The following AFG2A variants were observed in gnomAD, a reference collection of about 807,000 sequenced individuals.
AFG2A encodes AAA ATPase AFG2A, also known as ATPase family gene 2 protein homolog A.
the AFG2A span, among the ~76,000 whole-genome samples, chr4:123,220,948 A>T: frequency 6.8e-4 from 104 of 152,274 alleles, no homozygotes; most frequent in South Asian, 8.7e-3. Flanking sequence ...AGGACATTTT[A>T]AAAAACCTAC....
the AFG2A span, among the ~76,000 whole-genome samples, chr4:123,197,424 G>A: frequency 1.3e-5 from 2 of 152,280 alleles, no homozygotes; most frequent in South Asian, 4.1e-4. Context: ...CAAATTTCCT[G>A]TTAGGCTCAC....
the AFG2A span, among the ~76,000 whole-genome samples, chr4:123,026,099 ATGTGTATGTG>A: frequency 4.4e-5 from 3 of 67,830 alleles, no homozygotes; most frequent in Non-Finnish European, 9.1e-5. Flanking sequence ...GACCTCGTGT[ATGTGTATGTG>A]TGTGTGTGTG....
At chr4:123,115,447 C>A in the AFG2A span, among the ~76,000 whole-genome samples, 2 of 152,072 alleles carry the variant, frequency 1.3e-5, no homozygotes, top group African/African-American at 4.8e-5. Context: ...GCGGGCGCCA[C>A]TCCCGCTTTC....
At chr4:123,076,236 C>T in the AFG2A span, among the ~76,000 whole-genome samples, 1 of 152,036 alleles carries the variant, frequency 6.6e-6, no homozygotes, top group Non-Finnish European at 1.5e-5. Flanking sequence ...CCACTGCACT[C>T]CAGTCTGGGC....
At chr4:122,969,310 T>C in the AFG2A span, among the ~76,000 whole-genome samples, 1 of 152,216 alleles carries the variant, frequency 6.6e-6, no homozygotes, top group Non-Finnish European at 1.5e-5. Context: ...TTTTTTCATA[T>C]AGATGTGTTA....
At chr4:123,063,522 G>A in the AFG2A span, among the ~76,000 whole-genome samples, 24 of 152,196 alleles carry the variant, frequency 1.6e-4, no homozygotes, top group South Asian at 2.1e-4. Flanking sequence ...CGAAGTGGGC[G>A]GATCACGAGG....
chr4:122,940,519 A>T, the AFG2A span, among the ~76,000 whole-genome samples: 1 of 152,000 alleles, frequency 6.6e-6, no homozygotes, highest in Non-Finnish European at 1.5e-5. Context: ...TTCATTGTAG[A>T]TTCTGGATAT....
At chr4:123,032,474 C>A in the AFG2A span, among the ~76,000 whole-genome samples, 3 of 152,134 alleles carry the variant, frequency 2.0e-5, no homozygotes. Context: ...CTCACTGCAA[C>A]CTCTGCCTCC....
the AFG2A span, among the ~76,000 whole-genome samples, chr4:122,963,895 C>G: frequency 6.6e-6 from 1 of 152,138 alleles, no homozygotes; most frequent in African/African-American, 2.4e-5. Flanking sequence ...TCATCCCTCC[C>G]TGTCTCCAGT....
At chr4:122,936,650 G>A in the AFG2A span, among the ~76,000 whole-genome samples, 7 of 152,094 alleles carry the variant, frequency 4.6e-5, no homozygotes, top group Admixed American at 4.6e-4. Flanking sequence ...TTTGAGACCA[G>A]CCTGGGCAAC....
At chr4:123,136,984 C>T in the AFG2A span, among the ~76,000 whole-genome samples, 8 of 152,172 alleles carry the variant, frequency 5.3e-5, no homozygotes, top group South Asian at 2.1e-4. Context: ...AGGTGTGGGG[C>T]GGGGGTTGGT....
the AFG2A span, among the ~76,000 whole-genome samples, chr4:123,001,875 T>C: frequency 7.0e-4 from 106 of 151,946 alleles, 2 homozygotes; most frequent in South Asian, 0.022. Flanking sequence ...CTTTCTGTCT[T>C]GTTGATCTGT....
chr4:122,945,491 A>G, the AFG2A span, among the ~76,000 whole-genome samples: 20 of 152,330 alleles, frequency 1.3e-4, no homozygotes, highest in African/African-American at 3.8e-4. Context: ...TCCTAAGCCC[A>G]TCGGAAAAGC....
At chr4:122,959,427 C>T in the AFG2A span, among the ~76,000 whole-genome samples, 1 of 152,162 alleles carries the variant, frequency 6.6e-6, no homozygotes, top group African/African-American at 2.4e-5. Flanking sequence ...AGTTAATTAA[C>T]AATTCAGAAT....
the AFG2A span, among the ~76,000 whole-genome samples, chr4:122,933,023 A>G: frequency 3.3e-5 from 5 of 152,348 alleles, 1 homozygote; most frequent in African/African-American, 9.6e-5. Flanking sequence ...GATTCTTTGT[A>G]TATACACATC....
At chr4:123,005,757 T>G in the AFG2A span, among the ~76,000 whole-genome samples, 2 of 152,246 alleles carry the variant, frequency 1.3e-5, no homozygotes, top group African/African-American at 4.8e-5. Flanking sequence ...CAGTCTACCT[T>G]TAAGTGTTAC....
chr4:123,018,159 G>C, the AFG2A span, among the ~76,000 whole-genome samples: 1 of 152,134 alleles, frequency 6.6e-6, no homozygotes, highest in Non-Finnish European at 1.5e-5. Context: ...TAGGATGTTT[G>C]TCAGGGACAT....
At chr4:122,940,573 T>G in the AFG2A span, among the ~76,000 whole-genome samples, 1 of 152,188 alleles carries the variant, frequency 6.6e-6, no homozygotes, top group Non-Finnish European at 1.5e-5. Flanking sequence ...TTTCTCCCAT[T>G]CTGTAGCTTC....
At chr4:123,171,354 G>A in the AFG2A span, among the ~76,000 whole-genome samples, 93,184 of 151,914 alleles carry the variant, frequency 0.61, 30,197 homozygotes, top group Non-Finnish European at 0.72. Context: ...TTTGTTCTAT[G>A]TAATGGCCAA....
Sources: allele counts gnomAD v4.1 joint callset (sites outside exome capture counted in the v4.1 genomes callset), GRCh38; gene constraint gnomAD v4.1.1; transcripts MANE v1.5; gene names NCBI Gene and HGNC (gene_info 2026-07-23, HGNC 2026-07-21).